Variants in EPG5 observed in about 807,000 individuals in gnomAD.
EPG5 encodes ectopic P granules protein 5 homolog.
Under a neutral mutation model 302.7 loss-of-function variants are expected in EPG5, and 159 were observed. That is an observed-to-expected ratio of 0.53 (90% CI 0.46 to 0.60). EPG5 has a LOEUF of 0.60. Ranked by LOEUF, EPG5 falls within the 20% of genes least tolerant of loss-of-function variation. The probability of loss-of-function intolerance (pLI) is 0.00; values close to 1 mark genes in which losing one functional copy is unlikely to be tolerated. For synonymous variants in EPG5, 1,158 were observed against 1,136.8 expected (o/e 1.02, Z -0.37); for missense variants, 2,896 against 3,092.4 (o/e 0.94, Z 1.51).
At chr18:45,911,747 T>G (rs1334622365) in intron 22 of EPG5, among the ~76,000 whole-genome samples, 1 of 152,200 alleles carries the variant, frequency 6.6e-6, no homozygotes, top group Non-Finnish European at 1.5e-5. Context: ...AGTATCTATA[T>G]ATTTCAAATG....
At chr18:45,835,886 A>G in the EPG5 span, among the ~76,000 whole-genome samples, 1 of 152,254 alleles carries the variant, frequency 6.6e-6, no homozygotes, top group East Asian at 1.9e-4. Flanking sequence ...AAGGCCAGGA[A>G]AGGGACTGGG....
chr18:45,827,178 A>T, the EPG5 span, among the ~76,000 whole-genome samples: 5 of 152,196 alleles, frequency 3.3e-5, no homozygotes, highest in Non-Finnish European at 5.9e-5. Flanking sequence ...GGCCTCCCAA[A>T]GTGCTGAGAT....
intron 16 of EPG5, among the ~76,000 whole-genome samples, chr18:45,920,851 C>G (rs1210306826): frequency 6.6e-6 from 1 of 152,180 alleles, no homozygotes; most frequent in Non-Finnish European, 1.5e-5. Context: ...ATTTAAGACT[C>G]CTTTCCAAAA....
chr18:45,845,638 T>C (rs543588904), downstream of EPG5, among the ~76,000 whole-genome samples: 1 of 151,580 alleles, frequency 6.6e-6, no homozygotes, highest in African/African-American at 2.4e-5. Flanking sequence ...CGGCACGGAG[T>C]CAAGGAGAGA....
chr18:45,957,883 A>G (rs1451407250), intron 1 of EPG5, among the ~76,000 whole-genome samples: 1 of 152,128 alleles, frequency 6.6e-6, no homozygotes, highest in Non-Finnish European at 1.5e-5. Context: ...TGTCCCCTCT[A>G]AACCAGGCAC....
chr18:45,940,546 A>C (rs1350179752), intron 9 of EPG5, among the ~76,000 whole-genome samples: 1 of 151,728 alleles, frequency 6.6e-6, no homozygotes, highest in African/African-American at 2.4e-5. Flanking sequence ...AGGCGGTAAG[A>C]AGCAGCTAGA....
chr18:45,900,281 A>C (rs1318996714), intron 26 of EPG5, among the ~76,000 whole-genome samples: 1 of 152,004 alleles, frequency 6.6e-6, no homozygotes, highest in Non-Finnish European at 1.5e-5. Context: ...GGGCGCCTAT[A>C]GTCCCAGCTA....
At chr18:45,842,302 G>T in the EPG5 span, 19 of 1,144,568 alleles carry the variant, frequency 1.7e-5, no homozygotes, top group East Asian at 4.4e-4. Context: ...CCCCAGCTGG[G>T]TGGCTCCTCC....
At chr18:45,901,331 C>T (rs976318301) in intron 25 of EPG5, among the ~76,000 whole-genome samples, 164 bp from the exon 26 acceptor site, 1 of 152,122 alleles carries the variant, frequency 6.6e-6, no homozygotes, top group African/African-American at 2.4e-5. Flanking sequence ...CTAGACAGGC[C>T]TTGCATGACA....
chr18:45,842,664 C>T (rs951488276), downstream of EPG5: 36 of 161,802 alleles, frequency 2.2e-4, no homozygotes, highest in African/African-American at 4.8e-4. Context: ...CTGTTGAACA[C>T]GGACAATCAT....
chr18:45,962,371 G>C (rs1036067080), intron 1 of EPG5, among the ~76,000 whole-genome samples: 54 of 152,250 alleles, frequency 3.5e-4, no homozygotes, highest in African/African-American at 1.3e-3. Context: ...TAAGTTGTTG[G>C]CATTCAGAAT....
At chr18:45,931,297 C>G (rs1048016543) in intron 11 of EPG5, among the ~76,000 whole-genome samples, 1 of 151,624 alleles carries the variant, frequency 6.6e-6, no homozygotes, top group African/African-American at 2.4e-5. Context: ...ATAGGGCATT[C>G]CAAAAAAAAG....
the EPG5 span, among the ~76,000 whole-genome samples, chr18:45,820,745 A>G: frequency 6.6e-6 from 1 of 152,144 alleles, no homozygotes; most frequent in African/African-American, 2.4e-5. Context: ...TTCATGTTCC[A>G]ACCCTTCCTT....
At chr18:45,920,205 T>A (rs1375973265) in intron 16 of EPG5, among the ~76,000 whole-genome samples, 1 of 152,182 alleles carries the variant, frequency 6.6e-6, no homozygotes, top group African/African-American at 2.4e-5. Flanking sequence ...GTATAAGATC[T>A]AGAGATACAC....
chr18:45,833,443 A>T, the EPG5 span, among the ~76,000 whole-genome samples: 1 of 152,078 alleles, frequency 6.6e-6, no homozygotes, highest in African/African-American at 2.4e-5. Flanking sequence ...AGCCTCCTGC[A>T]TAGGGATTAC....
rs775010392 is a variant in EPG5, at chr18:45,955,178, T to C, written c.224A>G (p.Gln75Arg). Reference sequence around the variant, plus strand: ...TACATCAAACATTTCACTCTCATTTTGTCCACTGGCATCATCCTGGAGCTG... The same window carrying C: ...TACATCAAACATTTCACTCTCATTTCGTCCACTGGCATCATCCTGGAGCTG... ...DSQLQDDASG[Q>R]NESEMFDVPL... is the part of the protein sequence containing the mutation. Residue 75 changes from glutamine (Q) to arginine (R), a missense_variant, in exon 2 of 44, where the codon CAA becomes CGA. Transcript: ENST00000282041. 1.9e-6 allele frequency: 3 copies of C among 1,614,174 alleles called. No homozygotes were observed. The highest frequency in any genetic ancestry group is 2.2e-5 in the East Asian group (1 of 44,878).
intron 21 of EPG5, among the ~76,000 whole-genome samples, chr18:45,912,907 G>A (rs371589875): frequency 4.6e-5 from 7 of 152,096 alleles, no homozygotes; most frequent in African/African-American, 1.7e-4. Flanking sequence ...GGCCAACACG[G>A]CAAAACCTTG....
chr18:45,961,304 A>G (rs1371075697), intron 1 of EPG5, among the ~76,000 whole-genome samples: 1 of 152,224 alleles, frequency 6.6e-6, no homozygotes, highest in Non-Finnish European at 1.5e-5. Context: ...TGTTGATTCC[A>G]TATGTCACTC....
At chr18:45,855,439 G>A (rs2048494760) in intron 43 of EPG5, 134 bp downstream of exon 43, 2 of 601,604 alleles carry the variant, frequency 3.3e-6, no homozygotes, top group Non-Finnish European at 5.8e-6. Flanking sequence ...CCGTAAGTAG[G>A]GCACATGAAA....
Sources: allele counts gnomAD v4.1 joint callset (sites outside exome capture counted in the v4.1 genomes callset), GRCh38; gene constraint gnomAD v4.1.1; transcripts MANE v1.5; gene names NCBI Gene and HGNC (gene_info 2026-07-23, HGNC 2026-07-21).